CR2: variants seen among roughly 807,000 people sequenced by gnomAD.
CR2 encodes the protein complement receptor type 2.
In CR2, 96 loss-of-function variants were observed where a neutral mutation model predicts 123.0. That is an observed-to-expected ratio of 0.78 (90% confidence interval 0.66 to 0.93). CR2 has a LOEUF of 0.93. Among genes scored for constraint, CR2 ranks in the 40% least tolerant of loss-of-function variants. The pLI is 0.00. For missense variants in CR2, 1,258 were observed against 1,361.0 expected (o/e 0.92, Z 1.19); for synonymous variants, 484 against 469.5 (o/e 1.03, Z -0.40).
intron 15 of CR2, 87 bp from the exon 16 acceptor site, chr1:207,477,798 A>C: frequency 8.0e-7 from 1 of 1,248,854 alleles, no homozygotes; most frequent in Middle Eastern, 1.9e-4. Flanking sequence ...GGTTGGTTTT[A>C]TAAATCTTTC....
chr1:207,456,141 C>G (rs1018526346), intron 1 of CR2, among the ~76,000 whole-genome samples: 2 of 152,190 alleles, frequency 1.3e-5, no homozygotes, highest in South Asian at 4.1e-4. Context: ...AATCTGGTGT[C>G]TTCAGCCTTT....
chr1:207,468,514 T>G lies in CR2; in HGVS notation c.446-13T>G, dbSNP rs757345336. On this transcript the variant is annotated splice_polypyrimidine_tract_variant and intron_variant, in intron 2 of 19. Coordinates refer to ENST00000367057, the MANE Select transcript of CR2 (RefSeq NM_001006658.3). ...ATCTGACGGCTTTTTTTTCCTGGTA[T>G]GTGTGTGTAAAGTTTTCCCTCTCGA... The G allele has an allele frequency of 6.2e-7, 1 of 1,613,546 alleles. No homozygotes were observed.
In CR2 at chr1:207,454,474, T is replaced by C; in HGVS notation, c.56T>C (p.Leu19Pro). ...VFLALVAPGV[L>P]GISCGSPPPI... ...TTGGCTCTCGTCGCACCGGGGGTCCTCGGTGAGCTGGGAGGGGGAGCACGG... is the reference window on the plus strand; with the variant it reads ...TTGGCTCTCGTCGCACCGGGGGTCCCCGGTGAGCTGGGAGGGGGAGCACGG... The change falls in exon 1 of 20, where the codon CTC becomes CCC. Residue 19 changes from leucine to proline, a missense_variant and splice_region_variant. Transcript: ENST00000367057. The surrounding 1 kb of genome is among the most constrained non-coding windows in gnomAD (Gnocchi z 4.3). 6.4e-7 allele frequency: 1 copy of C among 1,564,880 alleles called. No individual in the cohort carries two copies.
chr1:207,463,214 T>C (rs1249101292), intron 1 of CR2, among the ~76,000 whole-genome samples: 1 of 152,164 alleles, frequency 6.6e-6, no homozygotes, highest in African/African-American at 2.4e-5. Flanking sequence ...GGGTTGACAA[T>C]GACATATTCT....
chr1:207,474,148 C>G (rs1658366300), intron 12 of CR2, 93 bp from the exon 13 acceptor site: 1 of 1,137,716 alleles, frequency 8.8e-7, no homozygotes, highest in African/African-American at 1.5e-5. Flanking sequence ...CTCCTCTCTG[C>G]CAAAGTTCTT....
chr1:207,460,933 C>T (rs1004532401), intron 1 of CR2, among the ~76,000 whole-genome samples: 10 of 151,856 alleles, frequency 6.6e-5, no homozygotes, highest in Admixed American at 2.0e-4. Flanking sequence ...TAGGCATTAA[C>T]GGTTTAATAG....
chr1:207,482,424 C>CT (rs1414981267), intron 18 of CR2, among the ~76,000 whole-genome samples: 25 of 151,882 alleles, frequency 1.6e-4, no homozygotes, highest in Non-Finnish European at 1.2e-4. Flanking sequence ...ACATGCATGG[C>CT]TTTTAAAACA....
In CR2 at chr1:207,472,611, C is replaced by A. The variant is rs9429936; in HGVS notation, c.1571-161C>A. Among the ~76,000 whole-genome samples, 47,619 of 152,026 alleles carry A rather than the reference C, an allele frequency of 0.31. 7,893 individuals are homozygous for A. Among genetic ancestry groups the A allele is most frequent in the African/African-American group, 0.41 (17,170 of 41,438 alleles). ...TTTCCTATGAAATGTGTTTAAATTG[C>A]ATTTTACATACTTAATGAGCTTTCA... On this transcript the variant is annotated intron_variant, in intron 9 of 19. Coordinates refer to ENST00000367057, the MANE Select transcript of CR2 (RefSeq NM_001006658.3).
chr1:207,486,565 C>T (rs964264286), intron 19 of CR2, among the ~76,000 whole-genome samples: 5 of 52,238 alleles, frequency 9.6e-5, no homozygotes, highest in Non-Finnish European at 8.3e-5. Context: ...TTCACCTTAA[C>T]TGCTGTGTTA....
At chr1:207,487,770 G>A (rs760581809) in intron 19 of CR2, among the ~76,000 whole-genome samples, 11 of 152,184 alleles carry the variant, frequency 7.2e-5, no homozygotes, top group Non-Finnish European at 1.3e-4. Context: ...GGGTAAGCTA[G>A]GAGGAACAGA....
chr1:207,477,929 G>A lies in CR2; in HGVS notation c.2947G>A (p.Gly983Arg). 6.2e-7 allele frequency: 1 copy of A among 1,614,020 alleles called. No individual in the cohort carries two copies. The highest frequency in any genetic ancestry group is 8.5e-7 in the Non-Finnish European group (1 of 1,179,940). The change falls in exon 16 of 20, where the codon GGG (glycine) becomes AGG (arginine). Residue 983 changes from glycine (G) to arginine (R), a missense_variant. By Grantham distance (125) the Gly-to-Arg change is moderately radical. Transcript: ENST00000367057. ...AGCAGATATGGATGGAATCCAGAAA[G>A]GGCTGGAACCAAGGAAAATGTATCA... is the stretch of plus-strand genomic sequence containing the variant. ...SPADMDGIQK[G>R]LEPRKMYQYG... is the part of the protein sequence containing the mutation.
intron 19 of CR2, among the ~76,000 whole-genome samples, chr1:207,486,253 A>AAAAAAAAAAAG: frequency 6.9e-6 from 1 of 145,870 alleles, no homozygotes; most frequent in South Asian, 2.2e-4. Flanking sequence ...AAAAAAAAAA[A>AAAAAAAAAAAG]AAAGCCAGCC....
chr1:207,478,141 C>A (rs187391235), intron 16 of CR2, 71 bp downstream of exon 16: 2 of 1,478,488 alleles, frequency 1.4e-6, no homozygotes, highest in South Asian at 2.4e-5. Flanking sequence ...TTTCCCTCAG[C>A]GTGGAGAGTC....
At position 207,471,479 on chromosome 1, in the gene CR2, T is replaced by C. The variant is rs1400031037; in HGVS notation, c.1550T>C (p.Met517Thr). 6.2e-7 allele frequency: 1 copy of C among 1,611,450 alleles called. No individual in the cohort carries two copies. Among genetic ancestry groups the C allele is most frequent in the African/African-American group, 1.3e-5 (1 of 74,836 alleles). ...TGTCAAGGCACAATTCCTTGGTTTA[T>C]GGAGATTCGTCTTTGTAAAGGTGAG... ...QECQGTIPWF[M>T]EIRLCKEITC... Residue 517 changes from methionine (M) to threonine (T), a missense_variant, in exon 9 of 20, where the codon ATG becomes ACG. By Grantham distance (81) the Met-to-Thr change is moderately conservative. Transcript: ENST00000367057.
At chr1:207,472,153 G>A (rs1004870976) in intron 9 of CR2, among the ~76,000 whole-genome samples, 6 of 152,028 alleles carry the variant, frequency 3.9e-5, no homozygotes, top group Non-Finnish European at 7.4e-5. Flanking sequence ...GGAGACTGAG[G>A]CAGGAGAATC....
At chr1:207,483,102 A>G (rs1259736876) in intron 18 of CR2, among the ~76,000 whole-genome samples, 2 of 152,180 alleles carry the variant, frequency 1.3e-5, no homozygotes, top group African/African-American at 4.8e-5. Flanking sequence ...GTCTTTGTAC[A>G]TGCTAGTGTT....
rs1194064701 is a variant in CR2, at chr1:207,469,187, A to C, written c.772A>C (p.Ile258Leu). Residue 258 changes from isoleucine (I) to leucine (L), a missense_variant, in exon 5 of 20, where the codon ATT becomes CTT. Transcript: ENST00000367057. ...AGGCCCACCTTCTAGTCGGTGTGTAATTGCTGGACAGGGAGTTGCTTGGAC... is the reference window on the plus strand; with the variant it reads ...AGGCCCACCTTCTAGTCGGTGTGTACTTGCTGGACAGGGAGTTGCTTGGAC... ...LQGPPSSRCV[I>L]AGQGVAWTKM... 2 of 1,613,812 alleles carry C rather than the reference A, an allele frequency of 1.2e-6. No homozygotes were observed. The highest frequency in any genetic ancestry group is 2.7e-5 in the African/African-American group (2 of 74,890).
chr1:207,481,558 C>A (rs1386641085), intron 18 of CR2, among the ~76,000 whole-genome samples: 3 of 151,994 alleles, frequency 2.0e-5, no homozygotes, highest in African/African-American at 7.3e-5. Context: ...ACCTCCCATA[C>A]CCTAGAAAAA....
rs755838787 is a variant in CR2 at position 207,473,736 on chromosome 1, A to G, written c.2155+15A>G. 5 of 1,613,882 alleles carry G rather than the reference A, an allele frequency of 3.1e-6. No homozygotes were observed. The highest frequency in any genetic ancestry group is 3.4e-6 in the Non-Finnish European group (4 of 1,179,878). On this transcript the variant is annotated intron_variant, in intron 11 of 19. Transcript: ENST00000367057. ...ACGGTGTGAAGGTACTTTAAGTTCC[A>G]GAGTTGTCCTTCTCTTTGATATGAG... is the stretch of plus-strand genomic sequence containing the variant.
Sources: gnomAD v4.1 joint callset for allele counts (sites outside exome capture counted in the v4.1 genomes callset) on GRCh38, gnomAD v4.1.1 for gene constraint, Gnocchi (gnomAD v3.1) non-coding constraint, MANE v1.5 for transcripts, NCBI Gene and HGNC (gene_info 2026-07-23, HGNC 2026-07-21) for gene names.